ATP2B3: variants seen among roughly 807,000 people sequenced by gnomAD.
The protein encoded by ATP2B3 is ATPase plasma membrane Ca2+ transporting 3, also known as plasma membrane calcium-transporting ATPase 3.
Under a neutral mutation model 70.8 loss-of-function variants are expected in ATP2B3, and 12 were observed. The ratio of observed to expected loss-of-function variants is 0.17; its 90% CI spans 0.11 to 0.27. The LOEUF is 0.27. ATP2B3 is among the 10% of genes least tolerant of loss of function. ATP2B3 has a pLI of 1.00. For synonymous variants in ATP2B3, 460 were observed against 497.8 expected, an observed-to-expected ratio of 0.92 and a Z score of 1.01; for missense variants, 858 against 1,118.5, an observed-to-expected ratio of 0.77 and a Z score of 3.32.
chrX:153,518,116 C>A (rs1360633451), intron 1 of ATP2B3, among the ~76,000 whole-genome samples: 2 of 112,210 alleles, frequency 1.8e-5, no homozygotes, highest in Non-Finnish European at 3.8e-5. Flanking sequence ...CTGCACCCTG[C>A]GCCCCGCATC....
intron 8 of ATP2B3, 74 bp downstream of exon 8, chrX:153,546,203 G>A: frequency 8.7e-7 from 1 of 1,154,082 alleles, no homozygotes; most frequent in Non-Finnish European, 1.2e-6. Context: ...CACAGTGTTG[G>A]GGGAGGTTCA....
intron 13 of ATP2B3, among the ~76,000 whole-genome samples, chrX:153,555,122 GC>G (rs1431602315): frequency 9.0e-6 from 1 of 111,473 alleles, no homozygotes; most frequent in Non-Finnish European, 1.9e-5. Context: ...TGGCAGTGAG[GC>G]CACTTAGTGG....
At chrX:153,535,081 G>A (rs2090170882) in intron 2 of ATP2B3, among the ~76,000 whole-genome samples, 1 of 112,932 alleles carries the variant, frequency 8.9e-6, no homozygotes, top group Non-Finnish European at 1.9e-5. Context: ...GATGTGACAG[G>A]CTTAGCTCGG....
intron 12 of ATP2B3, 106 bp from the exon 13 acceptor site, chrX:153,552,929 G>A (rs971603596): frequency 3.0e-6 from 2 of 660,075 alleles, no homozygotes; most frequent in Non-Finnish European, 4.7e-6. Context: ...ACTCCTCTCT[G>A]ATAAGGACCC....
chrX:153,526,726 T>C (rs1177408938), intron 2 of ATP2B3, among the ~76,000 whole-genome samples: 2 of 110,543 alleles, frequency 1.8e-5, no homozygotes, highest in Admixed American at 1.9e-4. Flanking sequence ...CTGGGGAGAG[T>C]GGCACGGATA....
At position 153,551,932 on chromosome X, in the gene ATP2B3, C is replaced by G. The variant is rs189667232; in HGVS notation, c.1824-1103C>G. On this transcript the variant is annotated intron_variant, in intron 12 of 21. Coordinates refer to ENST00000263519, the MANE Select transcript of ATP2B3 (RefSeq NM_001001344.3). ...CCTCAGGGCAAGGTCCTCTGCAGGACGCCCAGGGCTCCCCAAAGGCCCAGG... is the reference window on the plus strand; with the variant it reads ...CCTCAGGGCAAGGTCCTCTGCAGGAGGCCCAGGGCTCCCCAAAGGCCCAGG... Among the ~76,000 whole-genome samples, 465 of 112,405 alleles carry G rather than the reference C, an allele frequency of 4.1e-3. 4 individuals are homozygous for G. Among genetic ancestry groups the G allele is most frequent in the African/African-American group, 0.015 (451 of 30,909 alleles).
At chrX:153,520,220 G>A (rs1226805394) in intron 2 of ATP2B3, among the ~76,000 whole-genome samples, 2 of 112,645 alleles carry the variant, frequency 1.8e-5, no homozygotes, top group Non-Finnish European at 3.8e-5. Flanking sequence ...GGAGTGCCGG[G>A]GTCAGCCGTG....
At chrX:153,518,085 C>T (rs2089903169) in intron 1 of ATP2B3, among the ~76,000 whole-genome samples, 1 of 111,226 alleles carries the variant, frequency 9.0e-6, no homozygotes, top group Non-Finnish European at 1.9e-5. Context: ...GGCCCCAGGC[C>T]GGCGGGCAGC....
chrX:153,560,186 G>C (rs1340053443), intron 18 of ATP2B3, among the ~76,000 whole-genome samples: 2 of 112,072 alleles, frequency 1.8e-5, no homozygotes, highest in Non-Finnish European at 3.8e-5. Context: ...CTGAGCAGCT[G>C]AGAAACAGTT....
chrX:153,559,976 G>A, intron 18 of ATP2B3, 34 bp downstream of exon 18: 1 of 1,168,377 alleles, frequency 8.6e-7, no homozygotes, highest in Non-Finnish European at 1.2e-6. Context: ...GAGGACTTCA[G>A]GACACTGTTG....
rs36131654 is a variant in ATP2B3 at position 153,563,136 on chromosome X, C to CTTTTTTTTTTTTTTTTTTTTTT, written c.3159+896_3159+917dup. On this transcript the variant is annotated intron_variant, in intron 20 of 21. Coordinates refer to ENST00000263519, the MANE Select transcript of ATP2B3 (RefSeq NM_001001344.3). ...TCAGTCCATAGCATTCTGGCTTTTC[C>CTTTTTTTTTTTTTTTTTTTTTT]TTTTTTTTTTTTTTTTTTTTTTTGA... Among the ~76,000 whole-genome samples, 2 of 48,795 alleles carry CTTTTTTTTTTTTTTTTTTTTTT rather than the reference C, an allele frequency of 4.1e-5. 1 individual carries two copies. The highest frequency in any genetic ancestry group is 1.7e-4 in the African/African-American group (2 of 11,699). The allele number at this position is 48,795 out of a possible 115,157, so 42.4% of individuals were successfully genotyped here.
intron 16 of ATP2B3, among the ~76,000 whole-genome samples, chrX:153,557,617 C>T (rs1163034444): frequency 5.3e-5 from 6 of 112,251 alleles, no homozygotes; most frequent in East Asian, 2.8e-4. Flanking sequence ...GCAGCTCTCA[C>T]GGGGCCAGGC....
Position 153,558,327 on chromosome X carries a change from C to G in ATP2B3, c.2625+24C>G, listed in dbSNP as rs782594450. 52 of 1,181,096 alleles carry G rather than the reference C, an allele frequency of 4.4e-5. No individual in the cohort carries two copies. The East Asian group carries it at 1.6e-3, about 36-fold the overall frequency. On this transcript the variant is annotated intron_variant, in intron 17 of 21. Coordinates refer to ENST00000263519, the MANE Select transcript of ATP2B3 (RefSeq NM_001001344.3). ...AGGTGGGTACTGGGGGCTGCCATGC[C>G]CCAGCTAGGACACCTGGGCTCAGGC... is the stretch of plus-strand genomic sequence containing the variant.
chrX:153,521,148 G>A (rs1277947992), intron 2 of ATP2B3, among the ~76,000 whole-genome samples: 8 of 112,999 alleles, frequency 7.1e-5, no homozygotes, highest in African/African-American at 1.6e-4. Flanking sequence ...GCAACGCCCC[G>A]GGCTGGGTAT....
intron 20 of ATP2B3, among the ~76,000 whole-genome samples, chrX:153,564,670 C>T (rs903665268): frequency 1.5e-4 from 17 of 112,971 alleles, no homozygotes; most frequent in African/African-American, 6.4e-5. Flanking sequence ...CTCGAAGTCC[C>T]GGAGGCTGGC....
At chrX:153,546,198 T>C in intron 8 of ATP2B3, 69 bp downstream of exon 8, 2 of 1,163,677 alleles carry the variant, frequency 1.7e-6, no homozygotes, top group Non-Finnish European at 2.3e-6. Flanking sequence ...GAGGGCACAG[T>C]GTTGGGGGAG....
Position 153,549,487 on chromosome X carries a change from C to A in ATP2B3, c.1339-10C>A. The A allele has an allele frequency of 1.7e-6, 2 of 1,211,672 alleles. No individual in the cohort carries two copies. Among genetic ancestry groups the A allele is most frequent in the African/African-American group, 1.7e-5 (1 of 57,874 alleles). ...CCTGGGCCAAATGCCCACACCCTCG[C>A]CCTTTGCAGAAAATGATGAAAGACA... On this transcript the variant is annotated splice_polypyrimidine_tract_variant and intron_variant, in intron 10 of 21. Transcript: ENST00000263519.
rs1326956891 is a variant in ATP2B3 at position 153,548,968 on chromosome X, G to A, written c.1338+114G>A. 4 of 763,080 alleles carry A rather than the reference G, an allele frequency of 5.2e-6. No homozygotes were observed. In the East Asian group the frequency reaches 1.4e-4, roughly 26 times the overall value. 62.9% of individuals were successfully genotyped at this position (763,080 alleles called of 1,213,427 possible). ...GGGACGTTTGGGATAGCTCAAGGGA[G>A]GAGAGGAGGTGCCGAGCAGGGACCC... On this transcript the variant is annotated intron_variant, in intron 10 of 21. Coordinates refer to ENST00000263519, the MANE Select transcript of ATP2B3 (RefSeq NM_001001344.3).
chrX:153,562,179 A>T lies in ATP2B3; in HGVS notation c.3096A>T (p.Pro1032=), dbSNP rs782615398. The change falls in exon 20 of 22, where the codon CCA becomes CCT. Residue 1032 remains proline (P), a synonymous_variant. Transcript: ENST00000263519. ...GCGGGAAGCCCTTCAGCTGCTCCCC[A>T]CTATCCACAGAACAGTGGCTCTGGT... ...QFGGKPFSCS[P]LSTEQWLWCL... is the part of the protein sequence containing the mutation. The T allele has an allele frequency of 2.1e-5, 25 of 1,212,091 alleles. No homozygotes were observed. The highest frequency in any genetic ancestry group is 2.8e-5 in the Non-Finnish European group (25 of 895,529).
Sources: gnomAD v4.1 joint callset for allele counts (sites outside exome capture counted in the v4.1 genomes callset) on GRCh38, gnomAD v4.1.1 for gene constraint, MANE v1.5 for transcripts, NCBI Gene and HGNC (gene_info 2026-07-23, HGNC 2026-07-21) for gene names.